FRMD7: variants seen among roughly 807,000 people sequenced by gnomAD.
FRMD7 encodes the protein FERM domain containing 7.
Under a neutral mutation model 44.1 loss-of-function variants are expected in FRMD7, and 14 were observed. The observed-to-expected ratio is 0.32, with a 90% CI of 0.21 to 0.50. The LOEUF (loss-of-function observed/expected upper bound fraction) is 0.50, where lower values mean the gene tolerates loss of function less well. Ranked by LOEUF, FRMD7 falls within the 20% of genes least tolerant of loss-of-function variation. The pLI is 0.99. For synonymous variants in FRMD7, 212 were observed against 187.4 expected (o/e 1.13, Z -1.07); for missense variants, 501 against 522.3 (o/e 0.96, Z 0.40).
chrX:132,080,104 T>C, intron 10 of FRMD7, 23 bp from the exon 11 acceptor site: 2 of 1,145,803 alleles, frequency 1.7e-6, no homozygotes, highest in Non-Finnish European at 2.4e-6. Flanking sequence ...AGCAGAGAAG[T>C]CATTGAAATG....
chrX:132,099,848 C>G (rs1431951442), intron 2 of FRMD7, among the ~76,000 whole-genome samples: 1 of 111,693 alleles, frequency 9.0e-6, no homozygotes. Context: ...CACATTTGAA[C>G]CCTCCAGTCC....
chrX:132,091,727 C>G (rs1483453916), intron 5 of FRMD7, among the ~76,000 whole-genome samples: 3 of 108,117 alleles, frequency 2.8e-5, no homozygotes, highest in African/African-American at 6.8e-5. Context: ...CCCAGCTACT[C>G]AGGAGGTTGA....
chrX:132,095,267 G>T lies in FRMD7; in HGVS notation c.285-1128C>A, dbSNP rs190699332. Among the ~76,000 whole-genome samples, 371 of 108,843 alleles carry T rather than the reference G, an allele frequency of 3.4e-3. 1 individual carries two copies. The highest frequency in any genetic ancestry group is 4.8e-3 in the Non-Finnish European group (253 of 52,471). 94.5% of individuals were successfully genotyped at this position (108,843 alleles called of 115,157 possible). A position where few individuals can be genotyped will look rare whatever the true frequency, so the allele number is the denominator to read the frequency against. ...GCACCACCATGCCCAGCTAATTTTTGTATTTTTAGTAGATACGAGGTTTCA... is the reference window on the plus strand; with the variant it reads ...GCACCACCATGCCCAGCTAATTTTTTTATTTTTAGTAGATACGAGGTTTCA... On this transcript the variant is annotated intron_variant, in intron 4 of 11. Transcript: ENST00000298542.
At chrX:132,118,583 A>T (rs1928961245) in intron 1 of FRMD7, among the ~76,000 whole-genome samples, 1 of 111,598 alleles carries the variant, frequency 9.0e-6, no homozygotes, top group Admixed American at 9.5e-5. Context: ...GCATGCTCAG[A>T]CAAGGCACTG....
intron 1 of FRMD7, among the ~76,000 whole-genome samples, chrX:132,126,807 G>A (rs936867282): frequency 3.6e-5 from 4 of 111,731 alleles, no homozygotes; most frequent in Non-Finnish European, 3.8e-5. Context: ...TGCCTTTTGC[G>A]CATAAAACTG....
At chrX:132,099,197 T>C (rs1928427911) in intron 3 of FRMD7, among the ~76,000 whole-genome samples, 1 of 111,833 alleles carries the variant, frequency 8.9e-6, no homozygotes, top group Non-Finnish European at 1.9e-5. Flanking sequence ...TGCCAGAAAA[T>C]GAGATATATT....
In FRMD7 at chrX:132,078,781, G is replaced by T. The variant is rs1282223021; in HGVS notation, c.1236C>A (p.Ser412=). The stretch of plus-strand genomic sequence containing the variant: ...GGTCCATATAAATAAAAGGGAAAGA[G>T]GAACTGCTTTGGGACTGATGTAGCA... ...PTLLHQSQSS[S]SFPFIYMDPV... is the part of the protein sequence containing the mutation. Residue 412 remains serine (S), a synonymous_variant, in exon 12 of 12, where the codon TCC becomes TCA. Transcript: ENST00000298542. 1 of 1,211,603 alleles carries T rather than the reference G, an allele frequency of 8.3e-7. No homozygotes were observed. Among genetic ancestry groups the T allele is most frequent in the East Asian group, 3.0e-5 (1 of 33,844 alleles).
At chrX:132,126,877 G>A (rs772052038) in intron 1 of FRMD7, among the ~76,000 whole-genome samples, 1 of 111,727 alleles carries the variant, frequency 9.0e-6, no homozygotes, top group Non-Finnish European at 1.9e-5. Flanking sequence ...CAAAGCACAT[G>A]ATTCAAATAA....
chrX:132,079,560 G>T (rs1927740332), intron 11 of FRMD7, among the ~76,000 whole-genome samples: 1 of 111,880 alleles, frequency 8.9e-6, no homozygotes, highest in Non-Finnish European at 1.9e-5. Flanking sequence ...AAATGTCAAA[G>T]GAAGCCATCA....
chrX:132,079,953 A>G, intron 11 of FRMD7, 53 bp downstream of exon 11: 1 of 825,809 alleles, frequency 1.2e-6, no homozygotes, highest in Non-Finnish European at 1.8e-6. Flanking sequence ...AAGCATTTGA[A>G]ATTTGCACAA....
Position 132,127,937 on chromosome X carries a change from G to T in FRMD7, c.-93C>A. On this transcript the variant is annotated 5_prime_UTR_variant, in exon 1 of 12. Transcript: ENST00000298542. ...TCCCAGCTGGATGTGGTGCACTCGG[G>T]CCCCCCCACCCCCAGCCAGGCATTC... is the stretch of plus-strand genomic sequence containing the variant. The T allele has an allele frequency of 1.4e-6, 1 of 729,272 alleles. No individual in the cohort carries two copies. The highest frequency in any genetic ancestry group is 2.1e-5 in the South Asian group (1 of 46,925). 60.1% of individuals were successfully genotyped at this position (729,272 alleles called of 1,213,427 possible).
At position 132,078,015 on chromosome X, in the gene FRMD7, T is replaced by C. The variant is rs180870479; in HGVS notation, c.2002A>G (p.Lys668Glu). ...LKPDYYALYGKEIRSPMARIR... is the reference protein window; with the variant it reads ...LKPDYYALYGEEIRSPMARIR... ...CTGGCCATGGGTGACCTTATTTCTT[T>C]GCCATACAAAGCATAGTAGTCTGGT... The change falls in exon 12 of 12, where the codon AAA becomes GAA. Residue 668 changes from lysine to glutamate, a missense_variant. By Grantham distance (56) the Lys-to-Glu change is moderately conservative (BLOSUM62 1). Coordinates refer to ENST00000298542, the MANE Select transcript of FRMD7 (RefSeq NM_194277.3). 6 of 1,209,115 alleles carry C rather than the reference T, an allele frequency of 5.0e-6. No individual in the cohort carries two copies. In the East Asian group the frequency reaches 8.9e-5, roughly 18 times the overall value.
chrX:132,123,448 C>T (rs1418531098), intron 1 of FRMD7, among the ~76,000 whole-genome samples: 1 of 111,992 alleles, frequency 8.9e-6, no homozygotes. Flanking sequence ...TACACCAAAG[C>T]AATTTCATAT....
chrX:132,098,658 C>T (rs888522647), intron 3 of FRMD7, among the ~76,000 whole-genome samples: 2 of 101,194 alleles, frequency 2.0e-5, no homozygotes, highest in African/African-American at 3.7e-5. Context: ...GATAGAAATC[C>T]GCCTGCCTCA....
rs1485862188 is a variant in FRMD7 at position 132,127,780 on chromosome X, C to T, written c.57+8G>A. The T allele has an allele frequency of 5.1e-6, 6 of 1,181,507 alleles. No homozygotes were observed. Among genetic ancestry groups the T allele is most frequent in the Non-Finnish European group, 6.9e-6 (6 of 867,935 alleles). On this transcript the variant is annotated splice_region_variant and intron_variant, in intron 1 of 11. Coordinates refer to ENST00000298542, the MANE Select transcript of FRMD7 (RefSeq NM_194277.3). The stretch of plus-strand genomic sequence containing the variant: ...TAAAGGAATAATAGCAATGTGATTT[C>T]CACTTACATCAACCACAAAAATCTT...
intron 1 of FRMD7, among the ~76,000 whole-genome samples, chrX:132,102,706 A>G (rs1156386202): frequency 8.9e-6 from 1 of 112,227 alleles, no homozygotes; most frequent in Non-Finnish European, 1.9e-5. Flanking sequence ...GAAACACTTC[A>G]GTCATGAGGA....
intron 11 of FRMD7, among the ~76,000 whole-genome samples, chrX:132,079,265 G>A (rs1217849543): frequency 2.7e-5 from 3 of 111,708 alleles, no homozygotes; most frequent in Non-Finnish European, 5.6e-5. Context: ...AGTGAACCAG[G>A]AGTCCTGCCT....
chrX:132,104,516 C>A (rs1368961895), intron 1 of FRMD7, among the ~76,000 whole-genome samples: 1 of 110,952 alleles, frequency 9.0e-6, no homozygotes, highest in East Asian at 2.8e-4. Flanking sequence ...CACAGTGAAA[C>A]CCCATCTCTA....
intron 1 of FRMD7, among the ~76,000 whole-genome samples, chrX:132,121,596 TA>T (rs60179222): frequency 2.4e-4 from 25 of 102,777 alleles, no homozygotes; most frequent in South Asian, 4.3e-4. Flanking sequence ...TTTTATAGAT[TA>T]AAAAAAAAAA....
Sources: allele counts gnomAD v4.1 joint callset (sites outside exome capture counted in the v4.1 genomes callset), GRCh38; gene constraint gnomAD v4.1.1; transcripts MANE v1.5; gene names NCBI Gene and HGNC (gene_info 2026-07-23, HGNC 2026-07-21).